PLD5: variants seen among roughly 807,000 people sequenced by gnomAD.
PLD5 encodes phospholipase D family member 5, also known as inactive phospholipase D5.
Under a neutral mutation model 61.1 loss-of-function variants are expected in PLD5, and 36 were observed. That is an observed-to-expected ratio of 0.59 (90% confidence interval 0.45 to 0.78). The LOEUF (loss-of-function observed/expected upper bound fraction) is 0.78. PLD5 is among the 30% of genes least tolerant of loss of function. PLD5 has a pLI of 0.00. For missense variants in PLD5, 515 were observed against 644.4 expected, an observed-to-expected ratio of 0.80 and a Z score of 2.17; for synonymous variants, 243 against 242.8, an observed-to-expected ratio of 1.00 and a Z score of -0.01.
chr1:242,433,048 G>A (rs779935979), intron 1 of PLD5, among the ~76,000 whole-genome samples: 25 of 152,052 alleles, frequency 1.6e-4, no homozygotes, highest in Admixed American at 6.6e-4. Flanking sequence ...ATAAAGAGAA[G>A]CTATTGAAAA....
At chr1:242,329,572 A>G (rs965158683) in intron 2 of PLD5, among the ~76,000 whole-genome samples, 1 of 152,232 alleles carries the variant, frequency 6.6e-6, no homozygotes, top group African/African-American at 2.4e-5. Context: ...ACACTTTGAT[A>G]TAACCAGTCA....
chr1:242,444,672 C>T (rs7414118), intron 1 of PLD5, among the ~76,000 whole-genome samples: 1 of 2,224 alleles, frequency 4.5e-4, no homozygotes, highest in African/African-American at 1.7e-3. Context: ...TTATACTATA[C>T]ATAATATAAA....
At chr1:242,192,569 A>G (rs990870860) in intron 5 of PLD5, among the ~76,000 whole-genome samples, 1 of 152,148 alleles carries the variant, frequency 6.6e-6, no homozygotes, top group East Asian at 1.9e-4. Context: ...GGGAAAAAAA[A>G]CATTTTCCTC....
intron 3 of PLD5, among the ~76,000 whole-genome samples, chr1:242,266,891 C>T (rs1673710825): frequency 1.3e-5 from 2 of 152,026 alleles, no homozygotes; most frequent in South Asian, 4.1e-4. Context: ...CTGAGGCGGG[C>T]ACAACACCTG....
chr1:242,386,773 T>G (rs967064074), intron 1 of PLD5, among the ~76,000 whole-genome samples: 1 of 152,192 alleles, frequency 6.6e-6, no homozygotes, highest in African/African-American at 2.4e-5. Context: ...CAATTGAGAT[T>G]TGAATATAGA....
At chr1:242,312,567 A>AC (rs1676765487) in intron 2 of PLD5, among the ~76,000 whole-genome samples, 2 of 152,286 alleles carry the variant, frequency 1.3e-5, no homozygotes, top group African/African-American at 4.8e-5. Context: ...TGTGATTTTC[A>AC]CAAGCCATGC....
At chr1:242,410,759 G>A (rs994409518) in intron 1 of PLD5, among the ~76,000 whole-genome samples, 1 of 151,990 alleles carries the variant, frequency 6.6e-6, no homozygotes, top group Admixed American at 6.5e-5. Flanking sequence ...TCGCCAAGCA[G>A]GTGACCTCAG....
chr1:242,196,531 A>G (rs1343355161), intron 5 of PLD5, among the ~76,000 whole-genome samples: 1 of 152,102 alleles, frequency 6.6e-6, no homozygotes, highest in Non-Finnish European at 1.5e-5. Context: ...GGTGTCTTAC[A>G]CACACACACA....
intron 4 of PLD5, among the ~76,000 whole-genome samples, chr1:242,241,898 T>C (rs1483805593): frequency 2.3e-5 from 1 of 43,792 alleles, no homozygotes; most frequent in African/African-American, 9.4e-5. Context: ...TATATATATA[T>C]ATATATATAT....
intron 5 of PLD5, among the ~76,000 whole-genome samples, chr1:242,155,250 T>C (rs1039879395): frequency 1.3e-5 from 2 of 152,180 alleles, no homozygotes; most frequent in Non-Finnish European, 2.9e-5. Flanking sequence ...TCTGCTTTAT[T>C]AGTCTGGCTA....
At chr1:242,253,290 C>T (rs1218589454) in intron 4 of PLD5, among the ~76,000 whole-genome samples, 9 of 147,460 alleles carry the variant, frequency 6.1e-5, no homozygotes, top group African/African-American at 2.3e-4. Flanking sequence ...AATCACCACA[C>T]CCAGCCTCTC....
chr1:242,244,049 C>T (rs1301029214), intron 4 of PLD5, among the ~76,000 whole-genome samples: 2 of 152,168 alleles, frequency 1.3e-5, no homozygotes, highest in Non-Finnish European at 2.9e-5. Flanking sequence ...TTTCAAGTCT[C>T]ATAACAAATT....
At chr1:242,410,136 G>A (rs746818392) in intron 1 of PLD5, among the ~76,000 whole-genome samples, 13 of 152,112 alleles carry the variant, frequency 8.5e-5, no homozygotes, top group African/African-American at 2.2e-4. Flanking sequence ...ACTATTTCTG[G>A]CTACTTCTTG....
At chr1:242,271,925 G>T (rs1574647016) in intron 3 of PLD5, among the ~76,000 whole-genome samples, 1 of 151,682 alleles carries the variant, frequency 6.6e-6, no homozygotes, top group South Asian at 2.1e-4. Context: ...GCCCCAAAGG[G>T]ACTGAAATAG....
chr1:242,103,207 C>T lies in PLD5; in HGVS notation c.1240-2425G>A, dbSNP rs112636448. On this transcript the variant is annotated intron_variant, in intron 8 of 9. Coordinates refer to ENST00000536534, the MANE Select transcript of PLD5 (RefSeq NM_001372062.1). ...CCTCTGAGTGCGAGTGTACTGACCT[C>T]CAGAGTGCATGACTTCACTGGGCAG... Among the ~76,000 whole-genome samples, 1,389 of 152,260 alleles carry T rather than the reference C, an allele frequency of 9.1e-3. 6 individuals carry two copies. Among genetic ancestry groups the T allele is most frequent in the Middle Eastern group, 0.017 (5 of 294 alleles).
chr1:242,239,536 T>A lies in PLD5; in HGVS notation c.608-19421A>T, dbSNP rs139415307. On this transcript the variant is annotated intron_variant, in intron 4 of 9. Coordinates refer to ENST00000536534, the MANE Select transcript of PLD5 (RefSeq NM_001372062.1). ...AGGAAATGTATTGTATTTACTTATA[T>A]GTACTCTGATTAACATGATTACACA... 2.0e-5 allele frequency among the ~76,000 whole-genome samples: 3 copies of A among 152,356 alleles called. No individual in the cohort carries two copies. The East Asian group carries it at 5.8e-4, about 29-fold the overall frequency.
chr1:242,420,819 T>TCTAG (rs1222911081), intron 1 of PLD5, among the ~76,000 whole-genome samples: 2 of 152,138 alleles, frequency 1.3e-5, no homozygotes, highest in African/African-American at 4.8e-5. Context: ...TTCTTAGCAT[T>TCTAG]CTAGTCCTTT....
intron 1 of PLD5, among the ~76,000 whole-genome samples, chr1:242,363,108 G>A (rs1209857439): frequency 1.3e-5 from 2 of 152,074 alleles, no homozygotes; most frequent in Non-Finnish European, 2.9e-5. Context: ...GTCTTCAGCT[G>A]AGTGCTGATT....
chr1:242,111,148 C>T lies in PLD5; in HGVS notation c.1070+2742G>A, dbSNP rs187334709. Among the ~76,000 whole-genome samples, 80 of 151,124 alleles carry T rather than the reference C, an allele frequency of 5.3e-4. 1 individual carries two copies. In the Middle Eastern group the frequency reaches 0.017, roughly 32 times the overall value. ...CTTGGCTCACTGCAACCTTGGCTGTCGAGGTTCAAGCGATTCTCCTGTCTC... is the reference window on the plus strand; with the variant it reads ...CTTGGCTCACTGCAACCTTGGCTGTTGAGGTTCAAGCGATTCTCCTGTCTC... On this transcript the variant is annotated intron_variant, in intron 7 of 9. Transcript: ENST00000536534.
Sources: allele counts gnomAD v4.1 joint callset (sites outside exome capture counted in the v4.1 genomes callset), GRCh38; gene constraint gnomAD v4.1.1; transcripts MANE v1.5; gene names NCBI Gene and HGNC (gene_info 2026-07-23, HGNC 2026-07-21).